ZC3H4: variants seen among roughly 807,000 people sequenced by gnomAD.
ZC3H4 encodes the protein zinc finger CCCH-type containing 4, also known as zinc finger CCCH domain-containing protein 4.
In ZC3H4, 13 loss-of-function variants were observed where a neutral mutation model predicts 108.3. The ratio of observed to expected loss-of-function variants is 0.12; its 90% CI spans 0.08 to 0.19. ZC3H4 has a LOEUF of 0.19. ZC3H4 is among the 10% of genes least tolerant of loss of function. The pLI is 1.00. For missense variants in ZC3H4, 1,734 were observed against 1,838.8 expected, an observed-to-expected ratio of 0.94 and a Z score of 1.04; for synonymous variants, 917 against 749.6, an observed-to-expected ratio of 1.22 and a Z score of -3.65.
At chr19:47,108,554 A>C (rs1003458872) in intron 2 of ZC3H4, among the ~76,000 whole-genome samples, 11 of 152,200 alleles carry the variant, frequency 7.2e-5, no homozygotes, top group African/African-American at 2.7e-4. Flanking sequence ...ATAAATTACT[A>C]ACCAGGCCCA....
chr19:47,078,866 A>G (rs190213028), intron 11 of ZC3H4, among the ~76,000 whole-genome samples: 3 of 151,978 alleles, frequency 2.0e-5, no homozygotes, highest in Admixed American at 6.5e-5. Flanking sequence ...CTCAAAAACA[A>G]ACAAACAAAA....
chr19:47,068,012 C>G (rs531884230), intron 14 of ZC3H4, 143 bp from the exon 15 acceptor site: 2 of 821,068 alleles, frequency 2.4e-6, no homozygotes, highest in South Asian at 3.4e-5. Context: ...GCTCCCTCCC[C>G]ACAGTGGGCG....
chr19:47,100,787 C>A (rs183351243), intron 2 of ZC3H4, among the ~76,000 whole-genome samples: 1 of 152,086 alleles, frequency 6.6e-6, no homozygotes, highest in African/African-American at 2.4e-5. Context: ...CAACCTTCGC[C>A]TCCTGGGTTC....
intron 10 of ZC3H4, among the ~76,000 whole-genome samples, 187 bp downstream of exon 10, chr19:47,081,997 C>A (rs1199284956): frequency 6.6e-6 from 1 of 152,058 alleles, no homozygotes; most frequent in East Asian, 1.9e-4. Flanking sequence ...CAGTTTACTC[C>A]CTGGAAGGAT....
At position 47,085,423 on chromosome 19, in the gene ZC3H4, C is replaced by G. The variant is rs929586685; in HGVS notation, c.871-9G>C. On this transcript the variant is annotated splice_polypyrimidine_tract_variant and intron_variant, in intron 6 of 14. Coordinates refer to ENST00000253048, the MANE Select transcript of ZC3H4 (RefSeq NM_015168.2). ...TCCTCACTCTCTCCATACTGGAATG[C>G]GCAGAGGAGAGGGCAGGAGAGCGTC... 5 of 1,569,676 alleles carry G rather than the reference C, an allele frequency of 3.2e-6. No individual in the cohort carries two copies. Among genetic ancestry groups the G allele is most frequent in the Non-Finnish European group, 4.3e-6 (5 of 1,159,462 alleles).
Position 47,066,599 on chromosome 19 carries a change from G to C in ZC3H4, c.3669C>G (p.Pro1223=). ...DRYNSYNRPR[P]KAAAAPAATT... is the part of the protein sequence containing the mutation. ...TGGCAGCGGGGGCTGCAGCAGCCTT[G>C]GGCCGGGGCCGGTTGTAGCTGTTGT... is the stretch of plus-strand genomic sequence containing the variant. The change falls in exon 15 of 15, where the codon CCC becomes CCG. Residue 1223 remains proline, a synonymous_variant. Coordinates refer to ENST00000253048, the MANE Select transcript of ZC3H4 (RefSeq NM_015168.2). The C allele has an allele frequency of 6.2e-7, 1 of 1,603,862 alleles. No individual in the cohort carries two copies. Among genetic ancestry groups the C allele is most frequent in the African/African-American group, 1.3e-5 (1 of 74,928 alleles).
At chr19:47,100,235 T>C (rs1013753373) in intron 2 of ZC3H4, among the ~76,000 whole-genome samples, 3 of 152,090 alleles carry the variant, frequency 2.0e-5, no homozygotes, top group African/African-American at 2.4e-5. Context: ...GAAGCAGCCA[T>C]AGGGGAAACC....
chr19:47,071,143 C>T (rs1478129053), intron 13 of ZC3H4, among the ~76,000 whole-genome samples: 1 of 150,938 alleles, frequency 6.6e-6, no homozygotes, highest in East Asian at 2.0e-4. Flanking sequence ...CTAAGAATGG[C>T]CAATGCTGAA....
chr19:47,072,010 C>T lies in ZC3H4; in HGVS notation c.1914G>A (p.Pro638=), dbSNP rs200656728. Reference sequence around the variant, plus strand: ...CTGCGTGCATGTCAGGGTGCATGTCCGGGTGCATGTCGGGGTGCATGTCAG... The same window carrying T: ...CTGCGTGCATGTCAGGGTGCATGTCTGGGTGCATGTCGGGGTGCATGTCAG... The part of the protein sequence containing the change: ...MHPDMHPDMH[P]DMHPDMHADM... The change falls in exon 13 of 15, where the codon CCG becomes CCA. Residue 638 remains proline (P), a synonymous_variant. Transcript: ENST00000253048. The surrounding 1 kb of genome is among the most constrained non-coding windows in gnomAD (Gnocchi z 5.6). 2.8e-5 allele frequency: 45 copies of T among 1,591,522 alleles called. 1 individual carries two copies. Among genetic ancestry groups the T allele is most frequent in the Admixed American group, 1.1e-4 (6 of 55,862 alleles).
At chr19:47,104,561 C>G (rs2057945387) in intron 2 of ZC3H4, among the ~76,000 whole-genome samples, 1 of 152,184 alleles carries the variant, frequency 6.6e-6, no homozygotes, top group Non-Finnish European at 1.5e-5. Flanking sequence ...TAACTAATTT[C>G]CAAGAAAACT....
At chr19:47,112,898 T>C (rs1034101856) in intron 1 of ZC3H4, among the ~76,000 whole-genome samples, 3 of 141,132 alleles carry the variant, frequency 2.1e-5, no homozygotes, top group African/African-American at 8.0e-5. Context: ...CACTGGTGGG[T>C]GGTTGGGTGT....
chr19:47,072,666 C>G lies in ZC3H4; in HGVS notation c.1488G>C (p.Val496=). The change falls in exon 12 of 15, where the codon GTG becomes GTC. Residue 496 remains valine (V), a synonymous_variant. Transcript: ENST00000253048. The surrounding 1 kb of genome is among the most constrained non-coding windows in gnomAD (Gnocchi z 5.6). ...TGATGCCCTGCTTCTTCAGTTCCTC[C>G]ACCTCCTTCTCATCCTCGGCACCTG... ...AEAGAEDEKE[V]EELKKQGINP... is the part of the protein sequence containing the mutation. 1 of 1,613,782 alleles carries G rather than the reference C, an allele frequency of 6.2e-7. No homozygotes were observed. Among genetic ancestry groups the G allele is most frequent in the Non-Finnish European group, 8.5e-7 (1 of 1,180,012 alleles).
chr19:47,084,299 G>A lies in ZC3H4; in HGVS notation c.1218+46C>T, dbSNP rs140770500. 1,447 of 1,568,408 alleles carry A rather than the reference G, an allele frequency of 9.2e-4. 15 individuals carry two copies. The African/African-American group carries it at 0.018, about 19-fold the overall frequency. The stretch of plus-strand genomic sequence containing the variant: ...ACCTTCTGGAAGCCATGTGTCCTCT[G>A]GGGGCTATGGCCTCCTAGAGGTGCC... On this transcript the variant is annotated intron_variant, in intron 9 of 14. Transcript: ENST00000253048.
chr19:47,071,158 G>C (rs1415665176), intron 13 of ZC3H4, among the ~76,000 whole-genome samples: 1 of 151,986 alleles, frequency 6.6e-6, no homozygotes, highest in East Asian at 1.9e-4. Flanking sequence ...GCTGAAAGGA[G>C]CCAACTCCTC....
At chr19:47,078,022 A>G (rs1488772249) in intron 11 of ZC3H4, among the ~76,000 whole-genome samples, 4 of 152,190 alleles carry the variant, frequency 2.6e-5, no homozygotes, top group Non-Finnish European at 5.9e-5. Context: ...CTCAAGTACC[A>G]TTATACTTAA....
chr19:47,102,967 T>G (rs1258435720), intron 2 of ZC3H4, among the ~76,000 whole-genome samples: 1 of 152,142 alleles, frequency 6.6e-6, no homozygotes, highest in Non-Finnish European at 1.5e-5. Context: ...AGGCTGACCG[T>G]GAAAAAACCC....
At chr19:47,103,812 C>G (rs2057934768) in intron 2 of ZC3H4, among the ~76,000 whole-genome samples, 1 of 149,950 alleles carries the variant, frequency 6.7e-6, no homozygotes, top group Non-Finnish European at 1.5e-5. Flanking sequence ...GGCGTGGTGG[C>G]AGGCGCCTGT....
chr19:47,091,661 G>A (rs1409190624), intron 4 of ZC3H4, among the ~76,000 whole-genome samples: 1 of 150,446 alleles, frequency 6.6e-6, no homozygotes, highest in Non-Finnish European at 1.5e-5. Context: ...GCAAAGGCAG[G>A]CAGATCACAA....
rs745874098 is a variant in ZC3H4 at position 47,066,787 on chromosome 19, T to C, written c.3481A>G (p.Thr1161Ala). 1 of 1,601,638 alleles carries C rather than the reference T, an allele frequency of 6.2e-7. No individual in the cohort carries two copies. The highest frequency in any genetic ancestry group is 8.5e-7 in the Non-Finnish European group (1 of 1,178,342). ...GCACCCGTGTCAGCAGCCGGCTCTG[T>C]GGCTTTGCCCCCCGCGTTGGGAGTC... is the stretch of plus-strand genomic sequence containing the variant. ...PRTPNAGGKA[T>A]EPAADTGAQP... Residue 1161 changes from threonine to alanine, a missense_variant, in exon 15 of 15, where the codon ACA (threonine) becomes GCA (alanine). Physicochemically the swap from Thr to Ala is moderately conservative, Grantham distance 58. Coordinates refer to ENST00000253048, the MANE Select transcript of ZC3H4 (RefSeq NM_015168.2).
Sources: gnomAD v4.1 joint callset for allele counts (sites outside exome capture counted in the v4.1 genomes callset) on GRCh38, gnomAD v4.1.1 for gene constraint, Gnocchi (gnomAD v3.1) non-coding constraint, MANE v1.5 for transcripts, NCBI Gene and HGNC (gene_info 2026-07-23, HGNC 2026-07-21) for gene names.